GLRA3: variants seen among roughly 807,000 people sequenced by gnomAD.
GLRA3 encodes glycine receptor alpha 3.
Under a neutral mutation model 60.4 loss-of-function variants are expected in GLRA3, and 44 were observed. The observed-to-expected ratio is 0.73, with a 90% CI of 0.57 to 0.94. The LOEUF (loss-of-function observed/expected upper bound fraction) is 0.94. Among genes scored for constraint, GLRA3 ranks in the 40% least tolerant of loss-of-function variants. The pLI, the probability that GLRA3 is intolerant of heterozygous loss-of-function variation, is 0.00. For synonymous variants in GLRA3, 223 were observed against 192.9 expected, an observed-to-expected ratio of 1.16 and a Z score of -1.29; for missense variants, 508 against 564.6, an observed-to-expected ratio of 0.90 and a Z score of 1.02.
chr4:174,766,254 T>A (rs1738139169), intron 3 of GLRA3, among the ~76,000 whole-genome samples: 1 of 151,980 alleles, frequency 6.6e-6, no homozygotes, highest in South Asian at 2.1e-4. Flanking sequence ...AATTTAAGAA[T>A]CATCATCTAT....
At chr4:174,769,906 C>T (rs1246240919) in intron 2 of GLRA3, among the ~76,000 whole-genome samples, 3 of 152,030 alleles carry the variant, frequency 2.0e-5, no homozygotes, top group African/African-American at 7.2e-5. Context: ...TACTTTTTCA[C>T]TATTTTCTAT....
chr4:174,801,299 G>A lies in GLRA3; in HGVS notation c.72-12356C>T, dbSNP rs72708268. Among the ~76,000 whole-genome samples the A allele has an allele frequency of 5.3e-3, 798 of 151,966 alleles. 7 individuals carry two copies. Among genetic ancestry groups the A allele is most frequent in the African/African-American group, 0.017 (721 of 41,484 alleles). The stretch of plus-strand genomic sequence containing the variant: ...TTGAGACTTTTTTCTCTAATGACAC[G>A]TCCCTTGGTGATATTATCCAGTCTA... On this transcript the variant is annotated intron_variant, in intron 1 of 9. Transcript: ENST00000274093.
At chr4:174,653,556 T>C (rs184678458) in intron 9 of GLRA3, among the ~76,000 whole-genome samples, 1 of 152,084 alleles carries the variant, frequency 6.6e-6, no homozygotes, top group African/African-American at 2.4e-5. Flanking sequence ...GATTCAGAAA[T>C]AGTTTGGACA....
chr4:174,682,754 T>A, intron 6 of GLRA3, 48 bp downstream of exon 6: 1 of 1,367,984 alleles, frequency 7.3e-7, no homozygotes, highest in East Asian at 2.3e-5. Flanking sequence ...CATCTGGATA[T>A]CATAAAACCA....
At chr4:174,782,384 A>G (rs1738917896) in intron 2 of GLRA3, among the ~76,000 whole-genome samples, 1 of 151,740 alleles carries the variant, frequency 6.6e-6, no homozygotes, top group African/African-American at 2.4e-5. Flanking sequence ...AAAAACTGGA[A>G]GCATTCCCTT....
At chr4:174,704,647 T>C (rs6845911) in intron 5 of GLRA3, among the ~76,000 whole-genome samples, 139,718 of 143,222 alleles carry the variant, frequency 0.98, 68,583 homozygotes, top group East Asian at 1. Context: ...TTGACATTCG[T>C]GTTCATAGCA....
chr4:174,718,041 A>T (rs1735989414), intron 4 of GLRA3, among the ~76,000 whole-genome samples: 1 of 152,158 alleles, frequency 6.6e-6, no homozygotes, highest in Non-Finnish European at 1.5e-5. Flanking sequence ...ACATAATTCT[A>T]AAAAAATAGC....
At chr4:174,699,783 T>C (rs1735226481) in intron 5 of GLRA3, among the ~76,000 whole-genome samples, 1 of 144,526 alleles carries the variant, frequency 6.9e-6, no homozygotes, top group Admixed American at 7.2e-5. Flanking sequence ...TTGTTAAATA[T>C]TTAACATTAT....
intron 1 of GLRA3, among the ~76,000 whole-genome samples, chr4:174,821,800 C>T (rs1470862322): frequency 6.6e-6 from 1 of 152,090 alleles, no homozygotes; most frequent in East Asian, 1.9e-4. Flanking sequence ...GTTTTACAGC[C>T]TCTTCTTGAA....
chr4:174,666,561 T>C (rs1318222567), intron 7 of GLRA3, among the ~76,000 whole-genome samples: 3 of 152,014 alleles, frequency 2.0e-5, no homozygotes, highest in East Asian at 1.9e-4. Flanking sequence ...AGCTAGGTTA[T>C]TGCAAGGACT....
At chr4:174,780,628 G>A (rs1407752613) in intron 2 of GLRA3, among the ~76,000 whole-genome samples, 2 of 150,740 alleles carry the variant, frequency 1.3e-5, no homozygotes, top group African/African-American at 4.9e-5. Flanking sequence ...GATCTACCAA[G>A]CAAATGGAAA....
At position 174,640,056 on chromosome 4, in the gene GLRA3, G is replaced by A. The variant is rs991988276; in HGVS notation, c.*3730C>T. The stretch of plus-strand genomic sequence containing the variant: ...TGGAATGGCTTGCTTTTCTTTGCTA[G>A]TTCAATATTAACTAGATGAAAAATA... On this transcript the variant is annotated 3_prime_UTR_variant, in exon 10 of 10. Coordinates refer to ENST00000274093, the MANE Select transcript of GLRA3 (RefSeq NM_006529.4). 4 of 152,020 alleles carry A rather than the reference G, an allele frequency of 2.6e-5. No homozygotes were observed. The highest frequency in any genetic ancestry group is 2.9e-5 in the Non-Finnish European group (2 of 67,958). The allele number at this position is 152,020 out of a possible 1,614,324, so 9.4% of individuals were successfully genotyped here.
intron 4 of GLRA3, among the ~76,000 whole-genome samples, chr4:174,717,838 A>T (rs555457008): frequency 6.6e-6 from 1 of 152,196 alleles, no homozygotes; most frequent in Admixed American, 6.5e-5. Context: ...TATATTTTGA[A>T]TGTACACACA....
chr4:174,698,906 A>T (rs138262156), intron 5 of GLRA3, among the ~76,000 whole-genome samples: 20 of 152,256 alleles, frequency 1.3e-4, no homozygotes, highest in African/African-American at 3.6e-4. Context: ...CTGGACAGAG[A>T]CCCAGACATT....
chr4:174,691,811 C>G (rs1212355447), intron 5 of GLRA3, among the ~76,000 whole-genome samples: 1 of 152,116 alleles, frequency 6.6e-6, no homozygotes, highest in African/African-American at 2.4e-5. Flanking sequence ...GCCCGGCCGC[C>G]ACCCCATCTG....
intron 5 of GLRA3, among the ~76,000 whole-genome samples, chr4:174,697,544 A>G (rs571532392): frequency 6.6e-6 from 1 of 152,326 alleles, no homozygotes; most frequent in African/African-American, 2.4e-5. Context: ...AAATCAGGCC[A>G]TTACATGTGG....
At chr4:174,652,189 G>A (rs1020969222) in intron 9 of GLRA3, among the ~76,000 whole-genome samples, 6 of 151,932 alleles carry the variant, frequency 3.9e-5, no homozygotes, top group African/African-American at 1.2e-4. Context: ...GTATGCTTAC[G>A]TGTGCAGTGA....
At chr4:174,823,051 A>T (rs986895497) in intron 1 of GLRA3, among the ~76,000 whole-genome samples, 2 of 152,284 alleles carry the variant, frequency 1.3e-5, no homozygotes, top group African/African-American at 4.8e-5. Context: ...GAATAGCTTC[A>T]TTTACTGTTA....
At chr4:174,799,737 C>T (rs1739731409) in intron 1 of GLRA3, among the ~76,000 whole-genome samples, 1 of 152,142 alleles carries the variant, frequency 6.6e-6, no homozygotes, top group Admixed American at 6.5e-5. Context: ...ACTTACCTCT[C>T]TAAATAAATG....
Sources: gnomAD v4.1 joint callset for allele counts (sites outside exome capture counted in the v4.1 genomes callset) on GRCh38, gnomAD v4.1.1 for gene constraint, MANE v1.5 for transcripts, NCBI Gene and HGNC (gene_info 2026-07-23, HGNC 2026-07-21) for gene names.